TSPEAR: variants seen among roughly 807,000 people sequenced by gnomAD.
TSPEAR encodes thrombospondin-type laminin G domain and EAR repeat-containing protein.
TSPEAR carries 69 observed loss-of-function variants against 71.6 expected under a neutral mutation model. The ratio of observed to expected loss-of-function variants is 0.96; its 90% CI spans 0.79 to 1.18. The LOEUF is 1.18. Among genes scored for constraint, TSPEAR ranks in the 50% most tolerant of loss-of-function variants. The pLI, the probability that TSPEAR is intolerant of heterozygous loss-of-function variation, is 0.00. For synonymous variants in TSPEAR, 402 were observed against 387.2 expected (o/e 1.04, Z -0.45); for missense variants, 971 against 894.9 (o/e 1.09, Z -1.09).
In TSPEAR at chr21:44,648,938, G is replaced by A. The variant is rs184451537; in HGVS notation, c.82+62495C>T. On this transcript the variant is annotated intron_variant, in intron 1 of 11. Coordinates refer to ENST00000323084, the MANE Select transcript of TSPEAR (RefSeq NM_144991.3). ...GCAGTGGCGGGGTCCCCTCCCTTGT[G>A]AACGTGCGTGAAGGTGCTCACAGCA... Among the ~76,000 whole-genome samples, 935 of 152,324 alleles carry A rather than the reference G, an allele frequency of 6.1e-3. 6 individuals carry two copies. The highest frequency in any genetic ancestry group is 0.022 in the African/African-American group (899 of 41,572).
At chr21:44,648,416 G>C (rs146564163) in intron 1 of TSPEAR, among the ~76,000 whole-genome samples, 1 of 152,160 alleles carries the variant, frequency 6.6e-6, no homozygotes, top group Non-Finnish European at 1.5e-5. Context: ...TTAAACCCAC[G>C]TGGACTCATA....
chr21:44,558,601 G>C (rs2053583969), intron 2 of TSPEAR: 1 of 1,611,800 alleles, frequency 6.2e-7, no homozygotes, highest in South Asian at 1.1e-5. Flanking sequence ...CAGGGGGCCG[G>C]GGCGCAGCAG....
At chr21:44,569,879 A>C (rs587662758) in intron 1 of TSPEAR, among the ~76,000 whole-genome samples, 45 of 152,190 alleles carry the variant, frequency 3.0e-4, no homozygotes, top group African/African-American at 1.1e-3. Context: ...TCTGTGCCTC[A>C]GGGCTCTGAT....
intron 1 of TSPEAR, chr21:44,702,397 A>C (rs1250124527): frequency 1.0e-6 from 1 of 1,004,948 alleles, no homozygotes; most frequent in African/African-American, 3.7e-5. Context: ...CAGCTCCTGC[A>C]CGCCCTTGTG....
At chr21:44,668,996 G>A (rs1220948385) in intron 1 of TSPEAR, among the ~76,000 whole-genome samples, 1 of 152,156 alleles carries the variant, frequency 6.6e-6, no homozygotes, top group African/African-American at 2.4e-5. Context: ...CATGATAGAC[G>A]TAAATATAGA....
intron 1 of TSPEAR, among the ~76,000 whole-genome samples, chr21:44,622,253 C>G (rs463741): frequency 1.3e-5 from 2 of 151,964 alleles, no homozygotes; most frequent in African/African-American, 2.4e-5. Context: ...TTTGCTGATA[C>G]GTTTGAGCTT....
At chr21:44,602,156 A>T in intron 1 of TSPEAR, 1 of 220,170 alleles carries the variant, frequency 4.5e-6, no homozygotes, top group Non-Finnish European at 9.7e-6. Context: ...CTTCTAATAA[A>T]CTCCTTTCCT....
At chr21:44,638,591 C>G (rs904410804) in intron 1 of TSPEAR, 5 of 244,544 alleles carry the variant, frequency 2.0e-5, no homozygotes, top group Admixed American at 1.0e-4. Context: ...TCCATCCTGT[C>G]TGTGGACCCC....
chr21:44,505,919 C>T (rs1555911865), intron 10 of TSPEAR, among the ~76,000 whole-genome samples: 2 of 152,170 alleles, frequency 1.3e-5, no homozygotes, highest in Admixed American at 6.5e-5. Flanking sequence ...GAGAAAAAGT[C>T]TCAGGCTGCT....
chr21:44,514,008 G>A (rs587758001), intron 9 of TSPEAR, among the ~76,000 whole-genome samples: 32 of 152,290 alleles, frequency 2.1e-4, no homozygotes, highest in Admixed American at 1.4e-3. Flanking sequence ...TGCTCTTCCC[G>A]GCCCTGCAGA....
rs377099976 is a variant in TSPEAR, at chr21:44,617,324, A to G, written c.83-49319T>C. 5.3e-5 allele frequency among the ~76,000 whole-genome samples: 8 copies of G among 152,354 alleles called. 1 individual carries two copies. The highest frequency in any genetic ancestry group is 1.3e-4 in the Admixed American group (2 of 15,308). On this transcript the variant is annotated intron_variant, in intron 1 of 11. Transcript: ENST00000323084. ...CTCCTGTGCACGCTCACAGATGCTC[A>G]GGGGCGCCCTCTGCTCCAGCCCCAG...
intron 10 of TSPEAR, chr21:44,508,731 G>C (rs2052267761): frequency 1.6e-6 from 2 of 1,249,304 alleles, no homozygotes; most frequent in East Asian, 5.7e-5. Context: ...CAACAGGCCA[G>C]TCTCCGTGTC....
chr21:44,536,578 C>T (rs2053094139), intron 2 of TSPEAR, among the ~76,000 whole-genome samples: 1 of 152,222 alleles, frequency 6.6e-6, no homozygotes, highest in African/African-American at 2.4e-5. Context: ...AACCCCACAG[C>T]AAACACTGCG....
intron 1 of TSPEAR, among the ~76,000 whole-genome samples, chr21:44,624,567 T>C (rs1229691452): frequency 1.3e-5 from 2 of 152,242 alleles, no homozygotes; most frequent in Non-Finnish European, 2.9e-5. Context: ...GCAGATCATA[T>C]GAGTTCAATA....
At chr21:44,505,835 A>C (rs765248288) in intron 10 of TSPEAR, among the ~76,000 whole-genome samples, 4 of 152,078 alleles carry the variant, frequency 2.6e-5, no homozygotes, top group African/African-American at 9.7e-5. Context: ...AATTTCCTCC[A>C]TGTGGCTACT....
intron 9 of TSPEAR, among the ~76,000 whole-genome samples, chr21:44,510,208 G>A (rs782233652): frequency 2.0e-5 from 3 of 152,172 alleles, no homozygotes; most frequent in Admixed American, 6.5e-5. Context: ...GGGGCTGCAC[G>A]GGGAAGGGGA....
intron 1 of TSPEAR, chr21:44,658,423 C>T (rs1555943041): frequency 6.2e-6 from 4 of 645,134 alleles, no homozygotes; most frequent in South Asian, 5.9e-5. Flanking sequence ...TGATTCAGAC[C>T]TTCCATGACC....
intron 1 of TSPEAR, among the ~76,000 whole-genome samples, chr21:44,700,493 C>T (rs565583842): frequency 6.6e-5 from 10 of 152,212 alleles, no homozygotes; most frequent in Non-Finnish European, 1.5e-4. Flanking sequence ...CCCTTGCCAA[C>T]CAAACAGCAC....
At chr21:44,667,077 G>A (rs1985823978) in intron 1 of TSPEAR, 2 of 697,664 alleles carry the variant, frequency 2.9e-6, no homozygotes, top group Admixed American at 5.9e-5. Context: ...GTTTTGTTTG[G>A]CCCTTAGCTT....
Sources: gnomAD v4.1 joint callset for allele counts (sites outside exome capture counted in the v4.1 genomes callset) on GRCh38, gnomAD v4.1.1 for gene constraint, MANE v1.5 for transcripts, NCBI Gene and HGNC (gene_info 2026-07-23, HGNC 2026-07-21) for gene names.